Variants in CREB3L2 observed in about 807,000 individuals in gnomAD.
CREB3L2 encodes the protein cAMP responsive element binding protein 3 like 2, also known as cyclic AMP-responsive element-binding protein 3-like protein 2.
Under a neutral mutation model 57.2 loss-of-function variants are expected in CREB3L2, and 23 were observed. The ratio of observed to expected loss-of-function variants is 0.40; its 90% CI spans 0.29 to 0.57. The LOEUF is 0.57. CREB3L2 is among the 20% of genes least tolerant of loss of function. The pLI is 0.42. For missense variants in CREB3L2, 628 were observed against 634.7 expected (o/e 0.99, Z 0.11); for synonymous variants, 268 against 265.1 (o/e 1.01, Z -0.11).
chr7:137,919,895 C>G (rs1484221337), intron 2 of CREB3L2, among the ~76,000 whole-genome samples: 1 of 152,156 alleles, frequency 6.6e-6, no homozygotes, highest in East Asian at 1.9e-4. Flanking sequence ...GATAATCGTT[C>G]AGAACATGAA....
Position 137,937,894 on chromosome 7 carries a change from T to C in CREB3L2, c.103-9528A>G, listed in dbSNP as rs12540140. Among the ~76,000 whole-genome samples the C allele has an allele frequency of 1.9e-3, 285 of 152,138 alleles. 2 individuals carry two copies. The highest frequency in any genetic ancestry group is 3.0e-3 in the Non-Finnish European group (201 of 67,988). On this transcript the variant is annotated intron_variant, in intron 1 of 11. Coordinates refer to ENST00000330387, the MANE Select transcript of CREB3L2 (RefSeq NM_194071.4). The stretch of plus-strand genomic sequence containing the variant: ...TGGTAGTATCCAGATGAACCTTTTT[T>C]TTTTGTAAATGAAGTATGTGAAATA...
intron 4 of CREB3L2, among the ~76,000 whole-genome samples, chr7:137,908,955 C>T (rs973135957): frequency 6.6e-6 from 1 of 151,964 alleles, no homozygotes. Context: ...AAAAAATTAG[C>T]CAGGTGTGGT....
At chr7:137,997,895 G>A (rs890339039) in intron 1 of CREB3L2, among the ~76,000 whole-genome samples, 2 of 152,064 alleles carry the variant, frequency 1.3e-5, no homozygotes, top group African/African-American at 2.4e-5. Flanking sequence ...CGGTGGTACC[G>A]AACCCCAAGA....
At chr7:137,975,363 A>G (rs1258250264) in intron 1 of CREB3L2, among the ~76,000 whole-genome samples, 2 of 152,066 alleles carry the variant, frequency 1.3e-5, no homozygotes, top group Non-Finnish European at 1.5e-5. Context: ...AGAACCCACA[A>G]ATGAGTCCCA....
intron 10 of CREB3L2, among the ~76,000 whole-genome samples, chr7:137,883,934 G>A (rs551717043): frequency 8.5e-5 from 13 of 152,302 alleles, no homozygotes; most frequent in East Asian, 5.8e-4. Flanking sequence ...AACACCATAC[G>A]CTTCTTATCT....
intron 2 of CREB3L2, among the ~76,000 whole-genome samples, chr7:137,926,588 G>C (rs560021388): frequency 1.3e-5 from 2 of 152,164 alleles, no homozygotes; most frequent in African/African-American, 4.8e-5. Context: ...GTGGGTAGCG[G>C]GCAAGGGGAG....
chr7:137,932,951 C>T (rs1331352929), intron 1 of CREB3L2, among the ~76,000 whole-genome samples: 1 of 152,200 alleles, frequency 6.6e-6, no homozygotes, highest in Admixed American at 6.5e-5. Context: ...TAAGCAGGCC[C>T]GAGATTCTGC....
At chr7:137,917,955 G>A (rs780090342) in intron 2 of CREB3L2, among the ~76,000 whole-genome samples, 64 of 152,096 alleles carry the variant, frequency 4.2e-4, no homozygotes, top group African/African-American at 1.2e-3. Flanking sequence ...CTCTGATGGC[G>A]GCCAGAGGAG....
intron 1 of CREB3L2, among the ~76,000 whole-genome samples, chr7:137,990,122 A>G (rs2117326750): frequency 6.6e-6 from 1 of 152,312 alleles, no homozygotes; most frequent in East Asian, 1.9e-4. Context: ...TCATTTGCCA[A>G]GCACACAAAC....
intron 1 of CREB3L2, among the ~76,000 whole-genome samples, chr7:137,962,586 T>C (rs274010): frequency 0.76 from 114,715 of 151,838 alleles, 43,370 homozygotes; most frequent in East Asian, 0.84. Context: ...GACTCAAATA[T>C]CACAACATCA....
intron 1 of CREB3L2, among the ~76,000 whole-genome samples, chr7:137,949,655 C>A (rs1163786230): frequency 6.6e-6 from 1 of 152,058 alleles, no homozygotes; most frequent in Non-Finnish European, 1.5e-5. Context: ...CTTGTCAACA[C>A]CCCAATCAAG....
chr7:137,885,419 G>C lies in CREB3L2; in HGVS notation c.1127C>G (p.Thr376Ser), dbSNP rs1366971080. The part of the protein sequence containing the change: ...SRTCKLAGTQ[T>S]GTCLMVVVLC... ...GAAGCTCACCATGAGGCAGGTGCCA[G>C]TCTGCGTGCCAGCTAACTTGCAGGT... Residue 376 changes from threonine (T) to serine (S), a missense_variant, in exon 9 of 12, where the codon ACT becomes AGT. Physicochemically the swap from Thr to Ser is moderately conservative, Grantham distance 58 (BLOSUM62 1). Around this residue, in one of 3 missense-constraint regions of CREB3L2, gnomAD observed 272 missense variants for 242.7 expected, o/e 1.12. Coordinates refer to ENST00000330387, the MANE Select transcript of CREB3L2 (RefSeq NM_194071.4). 1.2e-6 allele frequency: 2 copies of C among 1,614,074 alleles called. No homozygotes were observed. Among genetic ancestry groups the C allele is most frequent in the Non-Finnish European group, 1.7e-6 (2 of 1,179,920 alleles).
At chr7:137,925,392 C>T (rs941489307) in intron 2 of CREB3L2, among the ~76,000 whole-genome samples, 1 of 152,170 alleles carries the variant, frequency 6.6e-6, no homozygotes, top group African/African-American at 2.4e-5. Context: ...AATATTAATT[C>T]CCCATCTATC....
chr7:137,998,408 G>A (rs988282576), intron 1 of CREB3L2, among the ~76,000 whole-genome samples: 5 of 152,206 alleles, frequency 3.3e-5, no homozygotes, highest in Non-Finnish European at 5.9e-5. Context: ...GCCACTGTCA[G>A]CCTCATTTAA....
intron 5 of CREB3L2, among the ~76,000 whole-genome samples, chr7:137,907,462 G>A (rs1020705934): frequency 1.4e-4 from 21 of 152,182 alleles, no homozygotes; most frequent in African/African-American, 4.6e-4. Context: ...CCTCAGTAAC[G>A]ATGAAATTTA....
intron 2 of CREB3L2, among the ~76,000 whole-genome samples, chr7:137,927,377 A>AGAAGGAAGGGAGGGAAGGAGG: frequency 2.2e-5 from 3 of 134,290 alleles, no homozygotes; most frequent in Non-Finnish European, 4.8e-5. Context: ...AAGAAAAGAG[A>AGAAGGAAGGGAGGGAAGGAGG]GAAGGAAGGG....
chr7:137,942,313 G>A (rs1483712207), intron 1 of CREB3L2, among the ~76,000 whole-genome samples: 1 of 152,196 alleles, frequency 6.6e-6, no homozygotes, highest in Non-Finnish European at 1.5e-5. Flanking sequence ...CTCTGGAAGT[G>A]GGGTCCAGGT....
chr7:137,972,722 TATATATATATATATAGAGAGAGAGAG>T (rs1563270184), intron 1 of CREB3L2, among the ~76,000 whole-genome samples: 2 of 26,062 alleles, frequency 7.7e-5, no homozygotes, highest in African/African-American at 4.8e-4. Context: ...AATATATATA[TATATATATATATATAGAGAGAGAGAG>T]AGAGAGAGAG....
intron 2 of CREB3L2, among the ~76,000 whole-genome samples, chr7:137,916,799 C>T (rs572469925): frequency 8.6e-5 from 13 of 151,466 alleles, no homozygotes; most frequent in East Asian, 1.9e-4. Flanking sequence ...AGAGCGAGAG[C>T]GAGAGCGAGT....
Sources: allele counts gnomAD v4.1 joint callset (sites outside exome capture counted in the v4.1 genomes callset), GRCh38; gene constraint gnomAD v4.1.1; regional missense constraint gnomAD v4.1.1; transcripts MANE v1.5; gene names NCBI Gene and HGNC (gene_info 2026-07-23, HGNC 2026-07-21).